The following CSMD2 variants were observed in gnomAD, a reference collection of about 807,000 sequenced individuals.
CSMD2 encodes CUB and sushi domain-containing protein 2.
Under a neutral mutation model 398.5 loss-of-function variants are expected in CSMD2, and 130 were observed. The observed-to-expected ratio is 0.33, with a 90% CI of 0.28 to 0.38. The LOEUF (loss-of-function observed/expected upper bound fraction) is 0.38. Among genes scored for constraint, CSMD2 ranks in the 10% least tolerant of loss-of-function variants. CSMD2 has a pLI of 1.00. For synonymous variants in CSMD2, 1,828 were observed against 1,908.5 expected, an observed-to-expected ratio of 0.96 and a Z score of 1.10; for missense variants, 3,829 against 4,764.9, an observed-to-expected ratio of 0.80 and a Z score of 5.78.
intron 65 of CSMD2, among the ~76,000 whole-genome samples, chr1:33,526,603 C>G (rs754063297): frequency 6.6e-6 from 1 of 152,190 alleles, no homozygotes; most frequent in Non-Finnish European, 1.5e-5. Flanking sequence ...GCTTAAGAGG[C>G]GAAGCTCATT....
At chr1:33,674,157 A>C (rs1644615234) in intron 25 of CSMD2, among the ~76,000 whole-genome samples, 1 of 151,974 alleles carries the variant, frequency 6.6e-6, no homozygotes, top group African/African-American at 2.4e-5. Context: ...TAAAAGACAC[A>C]GACTGGCAAA....
intron 48 of CSMD2, among the ~76,000 whole-genome samples, chr1:33,580,086 C>CA (rs1288256092): frequency 6.6e-6 from 1 of 152,034 alleles, no homozygotes; most frequent in East Asian, 1.9e-4. Context: ...TGGAACCCCC[C>CA]ATGGTCTTAA....
At chr1:33,950,616 G>A (rs563722319) in intron 3 of CSMD2, among the ~76,000 whole-genome samples, 1 of 152,290 alleles carries the variant, frequency 6.6e-6, no homozygotes, top group South Asian at 2.1e-4. Flanking sequence ...AGAAGCCAGT[G>A]GTTGGCATAG....
chr1:33,935,278 G>A (rs529050639), intron 4 of CSMD2, among the ~76,000 whole-genome samples: 3 of 152,188 alleles, frequency 2.0e-5, no homozygotes, highest in Admixed American at 2.0e-4. Context: ...TGGGGGAGGG[G>A]GTTGTTGGAG....
chr1:33,705,617 C>G (rs942254467), intron 22 of CSMD2, among the ~76,000 whole-genome samples: 3 of 151,678 alleles, frequency 2.0e-5, no homozygotes, highest in Non-Finnish European at 4.4e-5. Flanking sequence ...ACGGGGGAAT[C>G]ATAATTTTTT....
chr1:33,689,028 AAG>A (rs1016417342), intron 25 of CSMD2, among the ~76,000 whole-genome samples: 10 of 149,806 alleles, frequency 6.7e-5, no homozygotes, highest in South Asian at 2.2e-4. Flanking sequence ...AGAGGAGAAA[AAG>A]AGAGAGAGGG....
intron 12 of CSMD2, among the ~76,000 whole-genome samples, chr1:33,773,776 T>C (rs945638783): frequency 2.6e-5 from 4 of 152,092 alleles, no homozygotes; most frequent in Non-Finnish European, 5.9e-5. Flanking sequence ...GAGGACTGTA[T>C]GAGTCCCGAG....
At chr1:33,780,236 T>A (rs1019989405) in intron 12 of CSMD2, among the ~76,000 whole-genome samples, 2 of 152,136 alleles carry the variant, frequency 1.3e-5, no homozygotes, top group African/African-American at 4.8e-5. Flanking sequence ...AAACTCCTAG[T>A]GAGTGACCAG....
At chr1:33,552,428 C>G (rs1657547829) in intron 55 of CSMD2, among the ~76,000 whole-genome samples, 1 of 152,134 alleles carries the variant, frequency 6.6e-6, no homozygotes, top group African/African-American at 2.4e-5. Flanking sequence ...GAATTGACAA[C>G]GTGTTCACAC....
intron 25 of CSMD2, among the ~76,000 whole-genome samples, chr1:33,663,394 A>G (rs755747960): frequency 1.8e-4 from 27 of 151,996 alleles, no homozygotes; most frequent in Non-Finnish European, 3.7e-4. Flanking sequence ...TCAACCTTAC[A>G]TAGCCCGCAG....
At chr1:34,039,750 T>C (rs1219720231) in intron 2 of CSMD2, among the ~76,000 whole-genome samples, 1 of 152,152 alleles carries the variant, frequency 6.6e-6, no homozygotes, top group Non-Finnish European at 1.5e-5. Context: ...ATTGCCTAGT[T>C]TGAATAATTT....
intron 4 of CSMD2, among the ~76,000 whole-genome samples, chr1:33,930,118 A>G (rs1644264406): frequency 2.0e-5 from 3 of 152,250 alleles, no homozygotes; most frequent in Admixed American, 2.0e-4. Context: ...GTCTAGAACA[A>G]TATTTGGCAC....
intron 3 of CSMD2, among the ~76,000 whole-genome samples, chr1:34,012,133 C>T (rs779979370): frequency 6.6e-5 from 10 of 152,186 alleles, no homozygotes; most frequent in Non-Finnish European, 1.3e-4. Flanking sequence ...ACAGCCTCTC[C>T]GATTCCACCA....
rs573392459 is a variant in CSMD2, at chr1:33,880,767, C to T, written c.921-33771G>A. 3.9e-5 allele frequency among the ~76,000 whole-genome samples: 6 copies of T among 152,304 alleles called. No individual in the cohort carries two copies. The South Asian group carries it at 6.2e-4, about 16-fold the overall frequency. ...ACAATTCTTATACTCAAAGAAAGTACAAATTTTGCAGAATATCCTCTTAAG... is the reference window on the plus strand; with the variant it reads ...ACAATTCTTATACTCAAAGAAAGTATAAATTTTGCAGAATATCCTCTTAAG... On this transcript the variant is annotated intron_variant, in intron 5 of 70. Coordinates refer to ENST00000373381, the MANE Select transcript of CSMD2 (RefSeq NM_001281956.2).
At chr1:34,066,787 C>T (rs191163350) in intron 2 of CSMD2, among the ~76,000 whole-genome samples, 9 of 152,270 alleles carry the variant, frequency 5.9e-5, no homozygotes, top group South Asian at 2.1e-4. Context: ...AGTCCTGTGC[C>T]GCTCTCTGGG....
At chr1:33,664,627 C>T (rs1644247879) in intron 25 of CSMD2, among the ~76,000 whole-genome samples, 1 of 151,878 alleles carries the variant, frequency 6.6e-6, no homozygotes, top group South Asian at 2.1e-4. Flanking sequence ...CACAGTGAAA[C>T]CCCGTCTTTA....
intron 3 of CSMD2, among the ~76,000 whole-genome samples, chr1:34,023,583 G>T (rs897147231): frequency 6.6e-6 from 1 of 152,126 alleles, no homozygotes; most frequent in Admixed American, 6.5e-5. Context: ...TCTTGCCCTC[G>T]GAGAGCCACA....
At chr1:33,613,763 G>A (rs375719075) in intron 40 of CSMD2, among the ~76,000 whole-genome samples, 29 of 152,262 alleles carry the variant, frequency 1.9e-4, no homozygotes, top group East Asian at 7.7e-4. Context: ...TGACCCGTGC[G>A]TACGGCCCAT....
chr1:33,611,927 T>C (rs1227593760), intron 40 of CSMD2, among the ~76,000 whole-genome samples: 3 of 152,246 alleles, frequency 2.0e-5, no homozygotes, highest in African/African-American at 7.2e-5. Context: ...GAAAATGTTA[T>C]TGAAGAAATA....
Sources: allele counts gnomAD v4.1 joint callset (sites outside exome capture counted in the v4.1 genomes callset), GRCh38; gene constraint gnomAD v4.1.1; transcripts MANE v1.5; gene names NCBI Gene and HGNC (gene_info 2026-07-23, HGNC 2026-07-21).